The following GALNS variants were observed in gnomAD, a reference collection of about 807,000 sequenced individuals.
GALNS encodes N-acetylgalactosamine-6-sulfatase.
In GALNS, 65 loss-of-function variants were observed where a neutral mutation model predicts 65.9. The ratio of observed to expected loss-of-function variants is 0.99; its 90% CI spans 0.81 to 1.21. The LOEUF (loss-of-function observed/expected upper bound fraction) is 1.21. Ranked by LOEUF, GALNS falls within the 50% of genes most tolerant of loss-of-function variation. GALNS has a pLI of 0.00. For missense variants in GALNS, 776 were observed against 700.7 expected, an observed-to-expected ratio of 1.11 and a Z score of -1.21; for synonymous variants, 346 against 288.9, an observed-to-expected ratio of 1.20 and a Z score of -2.00.
chr16:88,846,109 G>C (rs1597589394), intron 1 of GALNS, among the ~76,000 whole-genome samples: 2 of 152,212 alleles, frequency 1.3e-5, no homozygotes, highest in South Asian at 4.1e-4. Context: ...TTGAGATACT[G>C]GGAACAGAAA....
chr16:88,838,152 C>T (rs765021071), intron 4 of GALNS, among the ~76,000 whole-genome samples: 3 of 152,156 alleles, frequency 2.0e-5, no homozygotes, highest in Admixed American at 6.5e-5. Flanking sequence ...GGTCATGCCT[C>T]GAACCCAAGT....
At chr16:88,835,601 G>C in intron 7 of GALNS, 124 bp downstream of exon 7, 1 of 1,464,156 alleles carries the variant, frequency 6.8e-7, no homozygotes. Context: ...GGCTTCAAAG[G>C]GGTGGGGTTG....
chr16:88,826,884 C>T lies in GALNS; in HGVS notation c.1003-46G>A, dbSNP rs780034894. Reference sequence around the variant, plus strand: ...ACGGTCAGGGCACTCTGCACCGACCCGATGGGGCTGGGGGCCAATCCCTGG... The same window carrying T: ...ACGGTCAGGGCACTCTGCACCGACCTGATGGGGCTGGGGGCCAATCCCTGG... On this transcript the variant is annotated intron_variant, in intron 9 of 13. Coordinates refer to ENST00000268695, the MANE Select transcript of GALNS (RefSeq NM_000512.5). 5.8e-6 allele frequency: 9 copies of T among 1,551,426 alleles called. No homozygotes were observed. The East Asian group carries it at 7.3e-5, about 13-fold the overall frequency.
intron 1 of GALNS, among the ~76,000 whole-genome samples, chr16:88,854,349 A>G (rs533638): frequency 6.6e-6 from 1 of 151,906 alleles, no homozygotes; most frequent in African/African-American, 2.4e-5. Context: ...GCCTGTGAGG[A>G]CCCCCTTGCA....
At chr16:88,820,463 T>C (rs114871847) in intron 12 of GALNS, among the ~76,000 whole-genome samples, 7,182 of 152,278 alleles carry the variant, frequency 0.047, 209 homozygotes, top group South Asian at 0.083. Flanking sequence ...CCTGGCAAAG[T>C]GACATGTGTG....
intron 4 of GALNS, among the ~76,000 whole-genome samples, chr16:88,838,143 G>A (rs1273680043): frequency 6.6e-6 from 1 of 152,188 alleles, no homozygotes; most frequent in Non-Finnish European, 1.5e-5. Flanking sequence ...AGTTTTGCGG[G>A]TCATGCCTCG....
Position 88,828,502 on chromosome 16 carries a change from C to T in GALNS, c.1003-1664G>A, listed in dbSNP as rs1291266885. On this transcript the variant is annotated intron_variant, in intron 9 of 13. Transcript: ENST00000268695. ...GCCCAGAGGGAACTGTCGGGACAGA[C>T]GTCAGGCGCTTTCACTGAAACCCCG... Among the ~76,000 whole-genome samples the T allele has an allele frequency of 2.0e-5, 3 of 152,216 alleles. No individual in the cohort carries two copies. The East Asian group carries it at 5.8e-4, about 29-fold the overall frequency.
chr16:88,829,775 G>A (rs748688952), intron 9 of GALNS, among the ~76,000 whole-genome samples: 4 of 152,160 alleles, frequency 2.6e-5, no homozygotes, highest in African/African-American at 4.8e-5. Context: ...GGAAGAGGAG[G>A]ATCTGGCAGA....
chr16:88,818,609 ATTCCT>A (rs929721551), intron 12 of GALNS, among the ~76,000 whole-genome samples: 4 of 152,298 alleles, frequency 2.6e-5, no homozygotes, highest in East Asian at 3.9e-4. Context: ...GAGTGTTTGG[ATTCCT>A]TTCATCTTCA....
chr16:88,839,307 G>T (rs948545253), intron 4 of GALNS, among the ~76,000 whole-genome samples: 1 of 150,440 alleles, frequency 6.6e-6, no homozygotes, highest in Non-Finnish European at 1.5e-5. Flanking sequence ...GCAGGTCACC[G>T]CCCGGCCACA....
At chr16:88,837,509 C>G (rs1216261634) in intron 5 of GALNS, 113 bp downstream of exon 5, 7 of 1,124,118 alleles carry the variant, frequency 6.2e-6, no homozygotes, top group Non-Finnish European at 9.3e-6. Context: ...GACCCAGGGA[C>G]AGACCAGCCC....
intron 12 of GALNS, among the ~76,000 whole-genome samples, chr16:88,819,034 C>T (rs1909929926): frequency 2.0e-5 from 3 of 152,246 alleles, no homozygotes; most frequent in Admixed American, 1.3e-4. Context: ...GGCCCAGTAC[C>T]TTCTGGGAGG....
At chr16:88,833,454 CTTTT>C (rs1555521204) in intron 8 of GALNS, among the ~76,000 whole-genome samples, 13 of 141,166 alleles carry the variant, frequency 9.2e-5, no homozygotes, top group Non-Finnish European at 1.8e-4. Flanking sequence ...CTCCCATCCC[CTTTT>C]TTTTTTTTTT....
chr16:88,842,409 G>A, intron 2 of GALNS: 1 of 538,680 alleles, frequency 1.9e-6, no homozygotes, highest in Admixed American at 3.1e-5. Context: ...CTGAGACGGA[G>A]CCACACTGCA....
At chr16:88,827,302 C>G (rs922078127) in intron 9 of GALNS, among the ~76,000 whole-genome samples, 2 of 152,254 alleles carry the variant, frequency 1.3e-5, no homozygotes, top group East Asian at 3.9e-4. Context: ...GGGGACGGCT[C>G]CTGACACACC....
At chr16:88,856,448 C>A in intron 1 of GALNS, 1 of 700,610 alleles carries the variant, frequency 1.4e-6, no homozygotes, top group Non-Finnish European at 2.6e-6. Context: ...GCCGGCCACC[C>A]ACCTGCCAGG....
chr16:88,852,683 G>T (rs56306938), intron 1 of GALNS, among the ~76,000 whole-genome samples: 2 of 152,198 alleles, frequency 1.3e-5, no homozygotes, highest in African/African-American at 4.8e-5. Flanking sequence ...GTGTAGAGAA[G>T]ACCTTAGATG....
chr16:88,847,083 G>A (rs1967279476), intron 1 of GALNS, among the ~76,000 whole-genome samples: 1 of 152,182 alleles, frequency 6.6e-6, no homozygotes, highest in African/African-American at 2.4e-5. Flanking sequence ...CAGGAGGAAC[G>A]CAAACAGCTC....
Position 88,826,815 on chromosome 16 carries a change from G to A in GALNS, c.1026C>T (p.Ile342=). The change falls in exon 10 of 14, where the codon ATC becomes ATT. Residue 342 remains isoleucine (I), a synonymous_variant. Transcript: ENST00000268695. ...CCAGGCTGGTGGTGAAGAGGTCCATGATGCTGCCCAGCTGGTGGCTCACCT... is the reference window on the plus strand; with the variant it reads ...CCAGGCTGGTGGTGAAGAGGTCCATAATGCTGCCCAGCTGGTGGCTCACCT... ...AGQVSHQLGS[I]MDLFTTSLAL... 6.3e-7 allele frequency: 1 copy of A among 1,590,364 alleles called. No homozygotes were observed. The highest frequency in any genetic ancestry group is 8.6e-7 in the Non-Finnish European group (1 of 1,169,074).
Sources: allele counts gnomAD v4.1 joint callset (sites outside exome capture counted in the v4.1 genomes callset), GRCh38; gene constraint gnomAD v4.1.1; transcripts MANE v1.5; gene names NCBI Gene and HGNC (gene_info 2026-07-23, HGNC 2026-07-21).